PHKB: variants seen among roughly 807,000 people sequenced by gnomAD.
PHKB encodes phosphorylase b kinase regulatory subunit beta.
PHKB carries 122 observed loss-of-function variants against 152.1 expected under a neutral mutation model. The ratio of observed to expected loss-of-function variants is 0.80; its 90% CI spans 0.69 to 0.93. PHKB has a LOEUF of 0.93. Ranked by LOEUF, PHKB falls within the 40% of genes least tolerant of loss-of-function variation. The probability of loss-of-function intolerance (pLI) is 0.00; values close to 1 mark genes in which losing one functional copy is unlikely to be tolerated. For missense variants in PHKB, 1,304 were observed against 1,328.4 expected (o/e 0.98, Z 0.29); for synonymous variants, 436 against 464.9 (o/e 0.94, Z 0.80).
Position 47,689,019 on chromosome 16 carries a change from T to C in PHKB, c.2631-22T>C, listed in dbSNP as rs749340983. 3.7e-6 allele frequency: 6 copies of C among 1,613,598 alleles called. No homozygotes were observed. In the Admixed American group the frequency reaches 1.0e-4, roughly 27 times the overall value. ...TTTTATTTCAAGAGTTATTGATTCATGCTTCCCCTGTTTTGTTTCAGGTGG... is the reference window on the plus strand; with the variant it reads ...TTTTATTTCAAGAGTTATTGATTCACGCTTCCCCTGTTTTGTTTCAGGTGG... On this transcript the variant is annotated intron_variant, in intron 26 of 30. Transcript: ENST00000323584.
At chr16:47,521,324 A>T (rs886886560) in intron 6 of PHKB, among the ~76,000 whole-genome samples, 4 of 152,002 alleles carry the variant, frequency 2.6e-5, no homozygotes, top group Admixed American at 6.6e-5. Flanking sequence ...CTTGTTCCTG[A>T]TTTTAGGGCA....
Position 47,570,634 on chromosome 16 carries a change from G to GT in PHKB, c.711-9651dup, listed in dbSNP as rs905025211. 9.2e-3 allele frequency among the ~76,000 whole-genome samples: 1,295 copies of GT among 140,256 alleles called. 16 individuals carry two copies. The highest frequency in any genetic ancestry group is 0.031 in the African/African-American group (1,194 of 38,304). 92.0% of individuals were successfully genotyped at this position (140,256 alleles called of 152,430 possible). A position where few individuals can be genotyped will look rare whatever the true frequency, so the allele number is the denominator to read the frequency against. Reference sequence around the variant, plus strand: ...TGAGTCCTTCATTTCCAGAAGTTCTGTTTTTTTTTTAATATCGACCTCTCT... The same window carrying GT: ...TGAGTCCTTCATTTCCAGAAGTTCTGTTTTTTTTTTTAATATCGACCTCTCT... On this transcript the variant is annotated intron_variant, in intron 7 of 30. Transcript: ENST00000323584.
intron 16 of PHKB, 126 bp from the exon 17 acceptor site, chr16:47,648,407 T>G: frequency 1.3e-6 from 1 of 747,486 alleles, no homozygotes; most frequent in Non-Finnish European, 2.5e-6. Context: ...TCCTACAAGT[T>G]TTTGGATTAG....
At chr16:47,677,129 G>A (rs1973746201) in intron 26 of PHKB, among the ~76,000 whole-genome samples, 1 of 152,166 alleles carries the variant, frequency 6.6e-6, no homozygotes, top group Non-Finnish European at 1.5e-5. Flanking sequence ...AAGTTCATTA[G>A]CACGGTTCTG....
chr16:47,576,558 A>G (rs558135389), intron 7 of PHKB, among the ~76,000 whole-genome samples: 3 of 152,350 alleles, frequency 2.0e-5, no homozygotes, highest in East Asian at 3.9e-4. Context: ...GAAAAGGAGA[A>G]AAGTGTGCAA....
At chr16:47,631,982 C>T (rs1319621259) in intron 14 of PHKB, among the ~76,000 whole-genome samples, 2 of 152,154 alleles carry the variant, frequency 1.3e-5, no homozygotes, top group Non-Finnish European at 2.9e-5. Flanking sequence ...GTCAGCAACA[C>T]CATTTGACCC....
chr16:47,632,335 G>A (rs950348723), intron 14 of PHKB, among the ~76,000 whole-genome samples: 1 of 152,126 alleles, frequency 6.6e-6, no homozygotes, highest in Admixed American at 6.6e-5. Flanking sequence ...TTATCAAAAG[G>A]TGTAAAGATG....
chr16:47,647,732 C>T (rs1042871140), intron 16 of PHKB, among the ~76,000 whole-genome samples: 8 of 150,930 alleles, frequency 5.3e-5, no homozygotes, highest in African/African-American at 7.3e-5. Flanking sequence ...CTCCTGACCT[C>T]GTGATCTGCC....
chr16:47,599,064 G>A lies in PHKB; in HGVS notation c.1363+2533G>A, dbSNP rs1972174339. On this transcript the variant is annotated intron_variant, in intron 13 of 30. Coordinates refer to ENST00000323584, the MANE Select transcript of PHKB (RefSeq NM_000293.3). ...TTTTCTTAGAATCAACCCAAGTTGGGAAGGTTATCTCTGGTTAGAATGTTA... is the reference window on the plus strand; with the variant it reads ...TTTTCTTAGAATCAACCCAAGTTGGAAAGGTTATCTCTGGTTAGAATGTTA... 7 of 607,420 alleles carry A rather than the reference G, an allele frequency of 1.2e-5. No individual in the cohort carries two copies. The East Asian group carries it at 1.9e-4, about 17-fold the overall frequency. The allele number at this position is 607,420 out of a possible 1,614,324, so 37.6% of individuals were successfully genotyped here.
intron 20 of PHKB, among the ~76,000 whole-genome samples, chr16:47,657,683 A>C (rs1357028415): frequency 1.3e-5 from 2 of 152,190 alleles, no homozygotes; most frequent in Non-Finnish European, 2.9e-5. Context: ...AACTCAGAAT[A>C]AACATTTATT....
intron 7 of PHKB, among the ~76,000 whole-genome samples, chr16:47,557,649 G>C (rs1223850291): frequency 6.6e-6 from 1 of 152,124 alleles, no homozygotes; most frequent in Non-Finnish European, 1.5e-5. Context: ...ACCATCACTG[G>C]CCATCAGAGA....
chr16:47,591,020 G>A (rs1282139361), intron 10 of PHKB, among the ~76,000 whole-genome samples: 1 of 152,038 alleles, frequency 6.6e-6, no homozygotes, highest in Non-Finnish European at 1.5e-5. Context: ...TCTGTTCTAA[G>A]GCTAACCCAT....
At chr16:47,582,700 C>T (rs1022016554) in intron 8 of PHKB, among the ~76,000 whole-genome samples, 107 of 152,188 alleles carry the variant, frequency 7.0e-4, no homozygotes, top group Non-Finnish European at 8.4e-4. Context: ...GTTCAGGTCA[C>T]GTCTATTTCC....
At chr16:47,486,404 T>C (rs1325050070) in intron 1 of PHKB, among the ~76,000 whole-genome samples, 1 of 152,222 alleles carries the variant, frequency 6.6e-6, no homozygotes, top group Admixed American at 6.5e-5. Flanking sequence ...AATTATTGCC[T>C]GAAGATGATG....
intron 6 of PHKB, among the ~76,000 whole-genome samples, chr16:47,517,237 G>T (rs961847131): frequency 6.6e-6 from 1 of 151,428 alleles, no homozygotes; most frequent in African/African-American, 2.4e-5. Flanking sequence ...CTTACAAGTG[G>T]CTTTGTTTTG....
At chr16:47,484,149 ACAT>A (rs1275546461) in intron 1 of PHKB, among the ~76,000 whole-genome samples, 1 of 152,194 alleles carries the variant, frequency 6.6e-6, no homozygotes, top group Non-Finnish European at 1.5e-5. Context: ...AACACATGAA[ACAT>A]CAACCAGGTT....
At chr16:47,568,744 A>G (rs1971609143) in intron 7 of PHKB, among the ~76,000 whole-genome samples, 1 of 152,148 alleles carries the variant, frequency 6.6e-6, no homozygotes, top group East Asian at 1.9e-4. Context: ...TCATTTCAAA[A>G]TTTTTTAAAA....
chr16:47,510,740 G>A (rs1454997912), intron 4 of PHKB, among the ~76,000 whole-genome samples: 2 of 152,160 alleles, frequency 1.3e-5, no homozygotes, highest in Admixed American at 6.5e-5. Context: ...TTTAAAGATG[G>A]AGAGGAAAAG....
chr16:47,473,975 A>G (rs748576111), intron 1 of PHKB, among the ~76,000 whole-genome samples: 6 of 152,306 alleles, frequency 3.9e-5, no homozygotes, highest in South Asian at 4.1e-4. Context: ...TTTGCCTCCT[A>G]TCTAACTGAA....
Sources: gnomAD v4.1 joint callset for allele counts (sites outside exome capture counted in the v4.1 genomes callset) on GRCh38, gnomAD v4.1.1 for gene constraint, MANE v1.5 for transcripts, NCBI Gene and HGNC (gene_info 2026-07-23, HGNC 2026-07-21) for gene names.